RALB: variants seen among roughly 807,000 people sequenced by gnomAD.
RALB encodes the protein ras-related protein Ral-B.
A neutral mutation model predicts 21.3 loss-of-function variants in RALB; 16 were observed. That is an observed-to-expected ratio of 0.75 (90% confidence interval 0.51 to 1.14). The LOEUF (loss-of-function observed/expected upper bound fraction) is 1.14, where lower values mean the gene tolerates loss of function less well. Among genes scored for constraint, RALB ranks in the 50% most tolerant of loss-of-function variants. The probability of loss-of-function intolerance (pLI) is 0.00; values close to 1 mark genes in which losing one functional copy is unlikely to be tolerated. For synonymous variants in RALB, 93 were observed against 96.1 expected (o/e 0.97, Z 0.19); for missense variants, 161 against 256.2 (o/e 0.63, Z 2.54).
chr2:120,250,294 G>A (rs1331172108), upstream of RALB, among the ~76,000 whole-genome samples: 3 of 152,158 alleles, frequency 2.0e-5, no homozygotes, highest in African/African-American at 7.2e-5. Context: ...GTTGGTAGGG[G>A]GCCTGTGCTC....
intron 1 of RALB, chr2:120,253,287 C>T (rs1225526060): frequency 4.4e-6 from 3 of 678,384 alleles, no homozygotes; most frequent in African/African-American, 2.0e-5. Flanking sequence ...GCTTCCACTT[C>T]CTGCCGCGGG....
chr2:120,255,258 TG>T (rs111329390), intron 1 of RALB, among the ~76,000 whole-genome samples: 2,840 of 151,750 alleles, frequency 0.019, 92 homozygotes, highest in African/African-American at 0.065. Flanking sequence ...GCAAGACGCT[TG>T]GTTTTTTTTT....
intron 1 of RALB, among the ~76,000 whole-genome samples, chr2:120,268,440 G>A (rs1296856541): frequency 6.6e-6 from 1 of 152,204 alleles, no homozygotes; most frequent in South Asian, 2.1e-4. Context: ...ATATACGAAG[G>A]TATAGAGAAT....
At chr2:120,258,673 G>A (rs1320665760) in intron 1 of RALB, among the ~76,000 whole-genome samples, 2 of 152,226 alleles carry the variant, frequency 1.3e-5, no homozygotes, top group Non-Finnish European at 2.9e-5. Flanking sequence ...CAGAGAAGAT[G>A]GAAGAAGTGC....
chr2:120,279,276 G>GAT (rs1373575703), intron 2 of RALB, among the ~76,000 whole-genome samples: 1 of 152,082 alleles, frequency 6.6e-6, no homozygotes, highest in African/African-American at 2.4e-5. Context: ...ACTTAATGTG[G>GAT]ATAACATCAC....
upstream of RALB, among the ~76,000 whole-genome samples, chr2:120,250,217 C>T (rs1689033698): frequency 6.6e-6 from 1 of 152,210 alleles, no homozygotes; most frequent in Non-Finnish European, 1.5e-5. Flanking sequence ...TAACAAACAA[C>T]TCCCACATCG....
At chr2:120,286,556 T>C (rs1573357193) in intron 3 of RALB, among the ~76,000 whole-genome samples, 1 of 152,282 alleles carries the variant, frequency 6.6e-6, no homozygotes, top group Non-Finnish European at 1.5e-5. Flanking sequence ...TTCAGCACAG[T>C]GGAGGGACGA....
intron 1 of RALB, among the ~76,000 whole-genome samples, chr2:120,265,443 A>G (rs2104602983): frequency 6.6e-6 from 1 of 152,314 alleles, no homozygotes; most frequent in African/African-American, 2.4e-5. Context: ...TTGGTGCATG[A>G]CTGTATAACA....
chr2:120,275,387 G>T (rs905421531), intron 1 of RALB, among the ~76,000 whole-genome samples: 1 of 152,220 alleles, frequency 6.6e-6, no homozygotes, highest in African/African-American at 2.4e-5. Flanking sequence ...CCTGTTTGGG[G>T]ATCCTTACTT....
Position 120,283,850 on chromosome 2 carries a change from T to G in RALB, c.115-2024T>G, listed in dbSNP as rs185264304. On this transcript the variant is annotated intron_variant, in intron 2 of 4. Coordinates refer to ENST00000272519, the MANE Select transcript of RALB (RefSeq NM_002881.3). ...CTAATGGATACAAAGACTTTGTGAT[T>G]TTCTGTTTCCAGCTGAGCAATGTAA... Among the ~76,000 whole-genome samples the G allele has an allele frequency of 2.0e-5, 3 of 152,364 alleles. No individual in the cohort carries two copies. The East Asian group carries it at 5.8e-4, about 29-fold the overall frequency.
At chr2:120,242,822 T>C (rs1236259291) in intron 1 of RALB, among the ~76,000 whole-genome samples, 3 of 152,128 alleles carry the variant, frequency 2.0e-5, no homozygotes. Flanking sequence ...ATGCCTATAA[T>C]CCCAGCACTT....
Position 120,293,596 on chromosome 2 carries a change from G to A in RALB, c.*336G>A, listed in dbSNP as rs1690358718. ...GTCATAGCATCTTATTTTGTTCCTA[G>A]TTTTATAACATTACCATCCTTCGTT... On this transcript the variant is annotated 3_prime_UTR_variant, in exon 5 of 5. Transcript: ENST00000272519. 5.9e-6 allele frequency: 1 copy of A among 170,126 alleles called. No individual in the cohort carries two copies. Among genetic ancestry groups the A allele is most frequent in the Non-Finnish European group, 1.2e-5 (1 of 80,398 alleles). The allele number at this position is 170,126 out of a possible 1,614,324, so 10.5% of individuals were successfully genotyped here. A position where few individuals can be genotyped will look rare whatever the true frequency, so the allele number is the denominator to read the frequency against.
chr2:120,294,499 A>C lies in RALB; in HGVS notation c.*1239A>C. 1 of 375,374 alleles carries C rather than the reference A, an allele frequency of 2.7e-6. No individual in the cohort carries two copies. Among genetic ancestry groups the C allele is most frequent in the East Asian group, 3.8e-5 (1 of 26,020 alleles). The allele number at this position is 375,374 out of a possible 1,614,324, so 23.3% of individuals were successfully genotyped here. On this transcript the variant is annotated 3_prime_UTR_variant, in exon 5 of 5. Transcript: ENST00000272519. ...TCATCAGGAAAGGAGCACTGTGGGA[A>C]GAGCCCAGTATTCACATTTTTTCCC...
In RALB at chr2:120,242,365, A is replaced by G. The variant is rs544079696; in HGVS notation, c.19+2240A>G. On this transcript the variant is annotated intron_variant, in intron 1 of 3. Transcript: ENST00000447591. ...GGAATTTACTTCATACCACTGAACT[A>G]TACACTTAACAGCTAAGATGGTGAC... Among the ~76,000 whole-genome samples, 8 of 152,342 alleles carry G rather than the reference A, an allele frequency of 5.3e-5. No individual in the cohort carries two copies. The East Asian group carries it at 1.2e-3, about 22-fold the overall frequency.
intron 1 of RALB, among the ~76,000 whole-genome samples, chr2:120,268,463 G>T (rs1689560076): frequency 6.6e-6 from 1 of 152,176 alleles, no homozygotes; most frequent in Non-Finnish European, 1.5e-5. Flanking sequence ...TACATAATGC[G>T]CTACCTTGTC....
At chr2:120,279,794 T>A (rs1363329596) in intron 2 of RALB, among the ~76,000 whole-genome samples, 7 of 152,188 alleles carry the variant, frequency 4.6e-5, no homozygotes, top group African/African-American at 1.7e-4. Flanking sequence ...AAGAAAGCTA[T>A]CACAACCACG....
intron 1 of RALB, among the ~76,000 whole-genome samples, chr2:120,247,797 G>A (rs1248857730): frequency 1.3e-5 from 2 of 152,228 alleles, no homozygotes; most frequent in Non-Finnish European, 2.9e-5. Flanking sequence ...TGCTTTGCAT[G>A]AGAACTCAGG....
chr2:120,278,708 A>C lies in RALB; in HGVS notation c.44A>C (p.His15Pro). The change falls in exon 2 of 5, where the codon CAC (histidine) becomes CCC (proline). Residue 15 changes from histidine (H) to proline (P), a missense_variant. Coordinates refer to ENST00000272519, the MANE Select transcript of RALB (RefSeq NM_002881.3). Reference protein sequence around the residue: ...KSKGQSSLALHKVIMVGSGGV... With the variant: ...KSKGQSSLALPKVIMVGSGGV... ...AAGGGCCAGAGCTCCTTGGCCCTCC[A>C]CAAGGTGATCATGGTTGGCAGCGGA... 6.3e-7 allele frequency: 1 copy of C among 1,598,106 alleles called. No homozygotes were observed. The highest frequency in any genetic ancestry group is 1.1e-5 in the South Asian group (1 of 88,712).
chr2:120,241,693 T>A (rs540120952), intron 1 of RALB, among the ~76,000 whole-genome samples: 1 of 151,934 alleles, frequency 6.6e-6, no homozygotes, highest in South Asian at 2.1e-4. Context: ...GCCATTGTAC[T>A]CCAGCCTGGG....
Sources: allele counts gnomAD v4.1 joint callset (sites outside exome capture counted in the v4.1 genomes callset), GRCh38; gene constraint gnomAD v4.1.1; transcripts MANE v1.5; gene names NCBI Gene and HGNC (gene_info 2026-07-23, HGNC 2026-07-21).